Variants in MALRD1 observed in about 807,000 individuals in gnomAD.
MALRD1 encodes the protein MAM and LDL-receptor class A domain-containing protein 1.
Under a neutral mutation model 242.1 loss-of-function variants are expected in MALRD1, and 247 were observed. The ratio of observed to expected loss-of-function variants is 1.02; its 90% CI spans 0.92 to 1.13. MALRD1 has a LOEUF of 1.13. MALRD1 is among the 50% of genes most tolerant of loss of function. MALRD1 has a pLI of 0.00. For missense variants in MALRD1, 2,989 were observed against 2,533.1 expected (o/e 1.18, Z -3.86); for synonymous variants, 995 against 866.6 (o/e 1.15, Z -2.60).
chr10:19,276,375 T>TATA (rs1554824088), intron 19 of MALRD1, among the ~76,000 whole-genome samples: 1 of 151,456 alleles, frequency 6.6e-6, no homozygotes, highest in East Asian at 1.9e-4. Context: ...GCGATCAAAT[T>TATA]AGATTATTTT....
intron 31 of MALRD1, among the ~76,000 whole-genome samples, chr10:19,506,950 C>T (rs570251463): frequency 1.1e-4 from 17 of 152,170 alleles, no homozygotes; most frequent in African/African-American, 4.1e-4. Flanking sequence ...ACAGCCTTTA[C>T]AGGAAGAATA....
intron 32 of MALRD1, among the ~76,000 whole-genome samples, chr10:19,549,102 A>G (rs1007398268): frequency 5.3e-5 from 8 of 152,232 alleles, no homozygotes; most frequent in African/African-American, 9.6e-5. Context: ...CCTTAAGCCA[A>G]AGCCTAATCC....
chr10:19,723,085 C>T (rs1297109950), intron 38 of MALRD1, among the ~76,000 whole-genome samples: 1 of 152,140 alleles, frequency 6.6e-6, no homozygotes, highest in African/African-American at 2.4e-5. Context: ...GCATCAATTC[C>T]TTTCAGGCAC....
At position 19,214,617 on chromosome 10, in the gene MALRD1, A is replaced by G. The variant is rs557280365; in HGVS notation, c.2991+4937A>G. ...GAAAGTTTGTGGAAAATGAAGTTAA[A>G]GGGTAAACATTGAAAATGTGATCTT... On this transcript the variant is annotated intron_variant, in intron 18 of 39. Transcript: ENST00000454679. 9.6e-3 allele frequency among the ~76,000 whole-genome samples: 1,456 copies of G among 152,318 alleles called. 26 individuals are homozygous for G. The highest frequency in any genetic ancestry group is 0.033 in the African/African-American group (1,373 of 41,570).
At chr10:19,632,635 A>G (rs1400242258) in intron 36 of MALRD1, among the ~76,000 whole-genome samples, 4 of 152,146 alleles carry the variant, frequency 2.6e-5, no homozygotes, top group Non-Finnish European at 5.9e-5. Flanking sequence ...GGATGTCAGA[A>G]ACAAATCTAT....
chr10:19,155,288 G>C (rs1834102799), intron 12 of MALRD1, 116 bp downstream of exon 12: 2 of 461,934 alleles, frequency 4.3e-6, no homozygotes, highest in East Asian at 7.2e-5. Context: ...GATGAATTAA[G>C]AGATTTACAT....
chr10:19,323,950 A>T lies in MALRD1; in HGVS notation c.3421A>T (p.Asn1141Tyr), dbSNP rs773508824. ...NHRPSVDHTQ[N>Y]TTDGWYLYAD... is the part of the protein sequence containing the mutation. ...TAATATGATAAATTCCTTTTCCAGA[A>T]ATACCACTGATGGCTGGTACCTGTA... Residue 1141 changes from asparagine to tyrosine, a missense_variant and splice_region_variant, in exon 22 of 40, where the codon AAT becomes TAT. Coordinates refer to ENST00000454679, the MANE Select transcript of MALRD1 (RefSeq NM_001142308.3). 1.2e-5 allele frequency: 18 copies of T among 1,550,538 alleles called. No individual in the cohort carries two copies. The South Asian group carries it at 1.8e-4, about 15-fold the overall frequency.
chr10:19,303,549 C>T (rs1189267743), intron 21 of MALRD1, among the ~76,000 whole-genome samples: 2 of 151,668 alleles, frequency 1.3e-5, no homozygotes, highest in Non-Finnish European at 2.9e-5. Context: ...ATCTCTTGTA[C>T]TCTATACTGG....
At chr10:19,554,147 T>C (rs1331137862) in intron 32 of MALRD1, among the ~76,000 whole-genome samples, 1 of 152,172 alleles carries the variant, frequency 6.6e-6, no homozygotes, top group Non-Finnish European at 1.5e-5. Flanking sequence ...AGTCCACTTG[T>C]GTTGCTAAGA....
At chr10:19,245,252 A>T (rs1203595265) in intron 18 of MALRD1, among the ~76,000 whole-genome samples, 2 of 152,182 alleles carry the variant, frequency 1.3e-5, no homozygotes, top group African/African-American at 4.8e-5. Context: ...TTACTGGAGA[A>T]AGCAGAATAG....
intron 11 of MALRD1, among the ~76,000 whole-genome samples, chr10:19,154,369 T>C (rs1300756813): frequency 6.6e-6 from 1 of 152,218 alleles, no homozygotes; most frequent in East Asian, 1.9e-4. Context: ...AAATAGTTGG[T>C]TTTCCAAATT....
chr10:19,728,875 A>G (rs1281057567), intron 38 of MALRD1, among the ~76,000 whole-genome samples: 1 of 152,222 alleles, frequency 6.6e-6, no homozygotes, highest in Non-Finnish European at 1.5e-5. Flanking sequence ...AGAATTTAAC[A>G]TAGACTAGTC....
intron 19 of MALRD1, among the ~76,000 whole-genome samples, chr10:19,274,381 C>T (rs1000365350): frequency 2.0e-5 from 3 of 152,174 alleles, no homozygotes; most frequent in Admixed American, 6.5e-5. Flanking sequence ...GACATTCCAA[C>T]CCCCAACGTG....
intron 1 of MALRD1, among the ~76,000 whole-genome samples, chr10:19,061,820 A>G (rs1429108916): frequency 1.3e-5 from 2 of 152,232 alleles, no homozygotes; most frequent in African/African-American, 2.4e-5. Flanking sequence ...TGTAAGAGCT[A>G]AAACTGTAAA....
At chr10:19,239,388 G>C (rs1577295) in intron 18 of MALRD1, among the ~76,000 whole-genome samples, 32,859 of 151,990 alleles carry the variant, frequency 0.22, 3,712 homozygotes, top group Admixed American at 0.34. Context: ...CTTATATAAT[G>C]TGGGCATTAA....
At chr10:19,723,139 A>C (rs550080646) in intron 38 of MALRD1, among the ~76,000 whole-genome samples, 1 of 152,192 alleles carries the variant, frequency 6.6e-6, no homozygotes, top group African/African-American at 2.4e-5. Context: ...ATATTGTCTG[A>C]CATCTTAGAA....
In MALRD1 at chr10:19,165,246, T is replaced by TATATATATATATATATATAA. The variant is rs1179481758; in HGVS notation, c.1657-372_1657-371insAATATATATATATATATATA. Among the ~76,000 whole-genome samples the TATATATATATATATATATAA allele has an allele frequency of 1.4e-4, 13 of 95,502 alleles. 2 individuals are homozygous for TATATATATATATATATATAA. In the East Asian group the frequency reaches 3.1e-3, roughly 23 times the overall value. 62.7% of individuals were successfully genotyped at this position (95,502 alleles called of 152,430 possible). On this transcript the variant is annotated intron_variant, in intron 12 of 39. Coordinates refer to ENST00000454679, the MANE Select transcript of MALRD1 (RefSeq NM_001142308.3). ...TTTAACACAGAAGTTGTTTGGAATA[T>TATATATATATATATATATAA]ATATATATATATATATATATTTTGT...
intron 36 of MALRD1, among the ~76,000 whole-genome samples, chr10:19,619,196 C>CAAA (rs975956054): frequency 7.6e-5 from 11 of 144,848 alleles, no homozygotes; most frequent in African/African-American, 3.2e-4. Flanking sequence ...CTAGAACTTT[C>CAAA]TGTTTGTTAA....
intron 31 of MALRD1, among the ~76,000 whole-genome samples, chr10:19,519,909 T>C (rs1014502031): frequency 1.3e-5 from 2 of 152,232 alleles, no homozygotes; most frequent in Non-Finnish European, 2.9e-5. Context: ...TTACAGTTGC[T>C]ATTGTTTACC....
Sources: allele counts gnomAD v4.1 joint callset (sites outside exome capture counted in the v4.1 genomes callset), GRCh38; gene constraint gnomAD v4.1.1; transcripts MANE v1.5; gene names NCBI Gene and HGNC (gene_info 2026-07-23, HGNC 2026-07-21).